Variants in UNC80 observed in about 807,000 individuals in gnomAD.
The protein encoded by UNC80 is protein unc-80 homolog.
In UNC80, 164 loss-of-function variants were observed where a neutral mutation model predicts 384.6. The observed-to-expected ratio is 0.43, with a 90% confidence interval of 0.38 to 0.49. The LOEUF is 0.49. Among genes scored for constraint, UNC80 ranks in the 20% least tolerant of loss-of-function variants. UNC80 has a pLI of 0.00. For synonymous variants in UNC80, 1,486 were observed against 1,527.8 expected (o/e 0.97, Z 0.64); for missense variants, 3,330 against 4,143.0 (o/e 0.80, Z 5.39).
intron 22 of UNC80, among the ~76,000 whole-genome samples, chr2:209,864,795 T>G (rs1199948687): frequency 6.6e-6 from 1 of 152,180 alleles, no homozygotes; most frequent in Admixed American, 6.5e-5. Flanking sequence ...TGTTAGGTCA[T>G]TGCGAGTCCC....
chr2:209,832,170 G>T (rs2081020578), intron 16 of UNC80, among the ~76,000 whole-genome samples: 1 of 152,050 alleles, frequency 6.6e-6, no homozygotes, highest in African/African-American at 2.4e-5. Context: ...GGGTGGAAAG[G>T]AGTTGAGGGA....
chr2:209,893,963 C>A (rs2124915346), intron 26 of UNC80, among the ~76,000 whole-genome samples, 200 bp from the exon 27 acceptor site: 1 of 152,282 alleles, frequency 6.6e-6, no homozygotes, highest in African/African-American at 2.4e-5. Flanking sequence ...TTCCGATGAG[C>A]TTTGTGTCCA....
chr2:209,938,710 CTGTGTG>C (rs139058213), intron 42 of UNC80, among the ~76,000 whole-genome samples: 2 of 83,384 alleles, frequency 2.4e-5, no homozygotes, highest in East Asian at 3.5e-4. Context: ...CTCTCTCTCT[CTGTGTG>C]TGTGTGTGTG....
intron 4 of UNC80, among the ~76,000 whole-genome samples, chr2:209,784,656 TG>T (rs995894896): frequency 5.3e-5 from 8 of 152,222 alleles, no homozygotes; most frequent in Non-Finnish European, 8.8e-5. Flanking sequence ...CCTGATCCTC[TG>T]GTCTAAAATG....
intron 43 of UNC80, among the ~76,000 whole-genome samples, chr2:209,940,721 G>A (rs2124978172): frequency 6.6e-6 from 1 of 152,278 alleles, no homozygotes; most frequent in East Asian, 1.9e-4. Context: ...GGGGTCTGAA[G>A]CATGAGAATC....
intron 61 of UNC80, among the ~76,000 whole-genome samples, chr2:209,986,596 G>T (rs2093294091): frequency 6.6e-6 from 1 of 152,168 alleles, no homozygotes; most frequent in Non-Finnish European, 1.5e-5. Flanking sequence ...GTAGTACTTT[G>T]ATGACTGTCT....
chr2:209,953,133 G>A (rs2092262692), intron 47 of UNC80, among the ~76,000 whole-genome samples: 2 of 152,096 alleles, frequency 1.3e-5, no homozygotes, highest in South Asian at 2.1e-4. Flanking sequence ...CTAAACAAAA[G>A]ATGGCAGGGT....
chr2:209,830,245 T>C (rs2080856551), intron 15 of UNC80, among the ~76,000 whole-genome samples: 2 of 152,246 alleles, frequency 1.3e-5, no homozygotes, highest in Admixed American at 1.3e-4. Context: ...CCAGGAATAT[T>C]GTTTGGTTTC....
intron 47 of UNC80, among the ~76,000 whole-genome samples, chr2:209,948,276 A>G (rs1016240018): frequency 1.3e-5 from 2 of 152,072 alleles, no homozygotes; most frequent in African/African-American, 2.4e-5. Flanking sequence ...GGTGGTTTCA[A>G]TTTTCATTCC....
intron 42 of UNC80, 39 bp downstream of exon 42, chr2:209,937,669 T>C (rs1559360620): frequency 1.4e-6 from 2 of 1,453,294 alleles, no homozygotes; most frequent in Non-Finnish European, 1.9e-6. Flanking sequence ...GGTTTTGTCA[T>C]GTTGTTGGAG....
chr2:209,897,144 T>C (rs1559286549), intron 28 of UNC80, among the ~76,000 whole-genome samples: 1 of 152,160 alleles, frequency 6.6e-6, no homozygotes, highest in East Asian at 1.9e-4. Context: ...ACTGACTGAT[T>C]TGAGAATCTC....
chr2:209,889,425 T>C (rs1309827024), intron 26 of UNC80, among the ~76,000 whole-genome samples: 2 of 152,264 alleles, frequency 1.3e-5, no homozygotes, highest in African/African-American at 4.8e-5. Flanking sequence ...ATTCACCCAC[T>C]TGTATGCACA....
At chr2:209,806,216 C>A (rs776175824) in intron 7 of UNC80, among the ~76,000 whole-genome samples, 15 of 152,094 alleles carry the variant, frequency 9.9e-5, no homozygotes, top group African/African-American at 1.4e-4. Flanking sequence ...CCATAATAAG[C>A]ATAGAAATTT....
chr2:209,959,064 C>A, intron 49 of UNC80, 55 bp from the exon 50 acceptor site: 1 of 1,511,604 alleles, frequency 6.6e-7, no homozygotes, highest in Non-Finnish European at 9.0e-7. Context: ...AAGCCCCAAC[C>A]AAAGGACCCC....
rs1230451276 is a variant in UNC80 at position 209,978,574 on chromosome 2, C to G, written c.8984C>G (p.Ser2995Cys). The G allele has an allele frequency of 6.4e-7, 1 of 1,551,182 alleles. No homozygotes were observed. Among genetic ancestry groups the G allele is most frequent in the South Asian group, 1.2e-5 (1 of 84,008 alleles). Residue 2995 changes from serine (S) to cysteine (C), a missense_variant, in exon 59 of 65, where the codon TCT becomes TGT. Physicochemically the swap from Ser to Cys is moderately radical, Grantham distance 112. Around this residue, in one of 8 missense-constraint regions of UNC80, gnomAD observed 216 missense variants for 245.3 expected, o/e 0.88. Coordinates refer to ENST00000673920, the MANE Select transcript of UNC80 (RefSeq NM_001371986.1). ...ATCAGTACCGTGGGCACCTCCACCTCTGCTTACCGCCTGAGCTTGGCCACC... is the reference window on the plus strand; with the variant it reads ...ATCAGTACCGTGGGCACCTCCACCTGTGCTTACCGCCTGAGCTTGGCCACC... ...TSISTVGTST[S>C]AYRLSLATMS...
At position 209,894,240 on chromosome 2, in the gene UNC80, G is replaced by T. The variant is rs962262124; in HGVS notation, c.4354G>T (p.Gly1452Trp). Residue 1452 changes from glycine (G) to tryptophan (W), a missense_variant, in exon 27 of 65, where the codon GGG becomes TGG. This residue lies in a region of UNC80 where 801 missense variants were observed against 950.8 expected (regional missense o/e 0.84). Transcript: ENST00000673920. ...AACCCGCAGTTTCCAGGTGAAGAAG[G>T]GGGGTTCCTTGTCCAGCATTCGCCG... ...KGTRSFQVKK[G>W]GSLSSIRRVG... 1.1e-5 allele frequency: 11 copies of T among 985,438 alleles called. No individual in the cohort carries two copies. The highest frequency in any genetic ancestry group is 1.1e-5 in the Non-Finnish European group (9 of 829,934). The allele number at this position is 985,438 out of a possible 1,614,324, so 61.0% of individuals were successfully genotyped here.
In UNC80 at chr2:209,880,992, C is replaced by T. The variant is rs1430923881; in HGVS notation, c.4008C>T (p.Pro1336=). 4.5e-6 allele frequency: 7 copies of T among 1,551,954 alleles called. No homozygotes were observed. The highest frequency in any genetic ancestry group is 4.4e-6 in the Non-Finnish European group (5 of 1,147,074). The change falls in exon 25 of 65, where the codon CCC becomes CCT. Residue 1336 remains proline (P), a synonymous_variant. Coordinates refer to ENST00000673920, the MANE Select transcript of UNC80 (RefSeq NM_001371986.1). ...STVNPSKCGC[P]FALKMAACQL... is the part of the protein sequence containing the mutation. ...TGAACCCCTCTAAATGCGGTTGCCC[C>T]TTTGCCTTGAAGATGGCAGCATGTC...
At chr2:209,800,611 T>C (rs1292608305) in intron 7 of UNC80, among the ~76,000 whole-genome samples, 1 of 152,156 alleles carries the variant, frequency 6.6e-6, no homozygotes, top group African/African-American at 2.4e-5. Flanking sequence ...TTTGGATTAG[T>C]TTATTCTTGC....
intron 45 of UNC80, 130 bp from the exon 46 acceptor site, chr2:209,944,921 T>TA: frequency 9.2e-7 from 1 of 1,083,920 alleles, no homozygotes; most frequent in South Asian, 1.7e-5. Context: ...GATCCAGAAT[T>TA]ATGTAAGCTG....
Sources: allele counts gnomAD v4.1 joint callset (sites outside exome capture counted in the v4.1 genomes callset), GRCh38; gene constraint gnomAD v4.1.1; regional missense constraint gnomAD v4.1.1; transcripts MANE v1.5; gene names NCBI Gene and HGNC (gene_info 2026-07-23, HGNC 2026-07-21).